The following BRF1 variants were observed in gnomAD, a reference collection of about 807,000 sequenced individuals.
BRF1 encodes the protein BRF1 general transcription factor IIIB subunit.
Under a neutral mutation model 81.7 loss-of-function variants are expected in BRF1, and 59 were observed. The ratio of observed to expected loss-of-function variants is 0.72; its 90% CI spans 0.59 to 0.90. BRF1 has a LOEUF of 0.90. Among genes scored for constraint, BRF1 ranks in the 40% least tolerant of loss-of-function variants. The pLI, the probability that BRF1 is intolerant of heterozygous loss-of-function variation, is 0.00. For missense variants in BRF1, 1,050 were observed against 936.3 expected, an observed-to-expected ratio of 1.12 and a Z score of -1.58; for synonymous variants, 491 against 395.6, an observed-to-expected ratio of 1.24 and a Z score of -2.86.
chr14:105,246,305 A>G (rs2140249006), intron 5 of BRF1, among the ~76,000 whole-genome samples: 1 of 152,250 alleles, frequency 6.6e-6, no homozygotes, highest in Non-Finnish European at 1.5e-5. Flanking sequence ...GATGGTCAAC[A>G]TCATTATTTA....
intron 5 of BRF1, among the ~76,000 whole-genome samples, chr14:105,245,901 G>A (rs1346001016): frequency 6.6e-6 from 1 of 152,164 alleles, no homozygotes; most frequent in African/African-American, 2.4e-5. Flanking sequence ...CAAGGGCAAC[G>A]AAAGTAAAAA....
intron 1 of BRF1, among the ~76,000 whole-genome samples, chr14:105,294,908 GA>G (rs1207799235): frequency 1.3e-5 from 2 of 152,132 alleles, no homozygotes; most frequent in Non-Finnish European, 2.9e-5. Context: ...AATATAACTA[GA>G]ACCTCAGTGA....
intron 10 of BRF1, among the ~76,000 whole-genome samples, chr14:105,225,416 T>C (rs1181324261): frequency 6.6e-6 from 1 of 152,196 alleles, no homozygotes; most frequent in African/African-American, 2.4e-5. Context: ...TATACCCGCT[T>C]ATACCCCCTC....
chr14:105,300,410 C>T (rs757532116), intron 1 of BRF1, 36 bp downstream of exon 1: 1 of 1,493,630 alleles, frequency 6.7e-7, no homozygotes, highest in African/African-American at 1.4e-5. Flanking sequence ...TAAGCCGCAC[C>T]GAGAAATCCG....
chr14:105,229,518 TG>T (rs2054376151), intron 6 of BRF1, among the ~76,000 whole-genome samples: 1 of 152,182 alleles, frequency 6.6e-6, no homozygotes, highest in African/African-American at 2.4e-5. Context: ...ATTCCGGAGC[TG>T]GGGTAGTTGA....
At chr14:105,246,854 G>A (rs1324255702) in intron 5 of BRF1, 1 of 985,476 alleles carries the variant, frequency 1.0e-6, no homozygotes, top group Non-Finnish European at 1.2e-6. Context: ...TGCAGATCAA[G>A]ACGCTGACTA....
intron 10 of BRF1, 36 bp from the exon 11 acceptor site, chr14:105,221,950 G>A: frequency 6.6e-7 from 1 of 1,524,488 alleles, no homozygotes; most frequent in Non-Finnish European, 8.8e-7. Flanking sequence ...ACCAGGCAGA[G>A]GGCCAGGGTG....
chr14:105,247,723 G>A lies in BRF1; in HGVS notation c.544+4784C>T, dbSNP rs117319993. 1,238 of 985,522 alleles carry A rather than the reference G, an allele frequency of 1.3e-3. 49 individuals are homozygous for A. In the East Asian group the frequency reaches 0.072, roughly 57 times the overall value. The allele number at this position is 985,522 out of a possible 1,614,324, so 61.0% of individuals were successfully genotyped here. On this transcript the variant is annotated intron_variant, in intron 5 of 17. Transcript: ENST00000547530. ...TAAAAGTCTAAAGCCTGGCGGTCCA[G>A]GAGGTTGCGTGTGTGTCCTCGGGGA...
chr14:105,210,700 A>G lies in BRF1; in HGVS notation c.1997-112T>C. 9.1e-7 allele frequency: 1 copy of G among 1,093,036 alleles called. No homozygotes were observed. The highest frequency in any genetic ancestry group is 3.3e-5 in the East Asian group (1 of 30,206). The allele number at this position is 1,093,036 out of a possible 1,614,324, so 67.7% of individuals were successfully genotyped here. A position where few individuals can be genotyped will look rare whatever the true frequency, so the allele number is the denominator to read the frequency against. The stretch of plus-strand genomic sequence containing the variant: ...CCTAGAAGACTCAGGCTCCAGCCCC[A>G]GCCCCAGCCCCCCGCGCCCCGCCAG... On this transcript the variant is annotated intron_variant, in intron 17 of 17. Coordinates refer to ENST00000547530, the MANE Select transcript of BRF1 (RefSeq NM_001519.4). This position sits in a 1 kb window ranked among gnomAD's most constrained non-coding sequence, Gnocchi z 4.7.
At position 105,226,720 on chromosome 14, in the gene BRF1, T is replaced by C. The variant is rs779694890; in HGVS notation, c.829A>G (p.Ile277Val). 1.3e-5 allele frequency: 21 copies of C among 1,613,638 alleles called. No individual in the cohort carries two copies. In the South Asian group the frequency reaches 2.0e-4, roughly 15 times the overall value. The change falls in exon 8 of 18, where the codon ATT becomes GTT. Residue 277 changes from isoleucine (I) to valine (V), a missense_variant. Coordinates refer to ENST00000547530, the MANE Select transcript of BRF1 (RefSeq NM_001519.4). ...AGGTCGATCTTCATGAACTCATCAATGGTCAACTGACTGGTGGGGGTGTCT... is the reference window on the plus strand; with the variant it reads ...AGGTCGATCTTCATGAACTCATCAACGGTCAACTGACTGGTGGGGGTGTCT... ...FEDTPTSQLT[I>V]DEFMKIDLEE...
intron 3 of BRF1, among the ~76,000 whole-genome samples, chr14:105,265,828 G>T (rs781761011): frequency 1.3e-5 from 2 of 149,610 alleles, no homozygotes; most frequent in East Asian, 3.9e-4. Flanking sequence ...GTGAACCCGC[G>T]AGGCAGAGCT....
At chr14:105,254,583 C>T (rs971901896) in intron 4 of BRF1, among the ~76,000 whole-genome samples, 7 of 147,060 alleles carry the variant, frequency 4.8e-5, no homozygotes, top group African/African-American at 1.8e-4. Context: ...TTTCTTGAGA[C>T]AGAGTTTCAC....
At chr14:105,314,931 G>T in intron 1 of BRF1, 1 of 1,101,176 alleles carries the variant, frequency 9.1e-7, no homozygotes, top group South Asian at 2.4e-5. Flanking sequence ...GGCCGAGCGA[G>T]GCCGCCTCGG....
intron 4 of BRF1, among the ~76,000 whole-genome samples, chr14:105,253,912 GCATGCAGTGTGCAGA>G (rs1339430426): frequency 1.3e-5 from 2 of 152,236 alleles, no homozygotes; most frequent in Admixed American, 1.3e-4. Flanking sequence ...GTGTGCATCC[GCATGCAGTGTGCAGA>G]CATGCATGTG....
intron 2 of BRF1, among the ~76,000 whole-genome samples, chr14:105,279,298 AACATGT>A (rs2056973457): frequency 6.6e-6 from 1 of 152,222 alleles, no homozygotes; most frequent in Non-Finnish European, 1.5e-5. Flanking sequence ...GAGGATTCGA[AACATGT>A]ATATCCAACA....
intron 1 of BRF1, among the ~76,000 whole-genome samples, chr14:105,307,558 CATCTT>C (rs751066823): frequency 6.6e-6 from 1 of 152,162 alleles, no homozygotes; most frequent in African/African-American, 2.4e-5. Flanking sequence ...CTGTGTCTGT[CATCTT>C]ATCACATTTG....
At chr14:105,313,962 C>T (rs930043355) in intron 1 of BRF1, among the ~76,000 whole-genome samples, 9 of 152,250 alleles carry the variant, frequency 5.9e-5, no homozygotes, top group African/African-American at 2.2e-4. Flanking sequence ...CAGGAGCCAG[C>T]CTTGGCCCCA....
intron 3 of BRF1, among the ~76,000 whole-genome samples, chr14:105,268,148 G>T (rs926976317): frequency 6.6e-6 from 1 of 152,372 alleles, no homozygotes; most frequent in Admixed American, 6.5e-5. Flanking sequence ...GGGCAGCCTG[G>T]CTGGACAGGA....
intron 1 of BRF1, among the ~76,000 whole-genome samples, chr14:105,298,861 A>AC (rs2057852265): frequency 6.7e-6 from 1 of 148,234 alleles, no homozygotes; most frequent in Non-Finnish European, 1.5e-5. Flanking sequence ...TCTCAAAAAA[A>AC]AAAAAAAAGT....
Sources: gnomAD v4.1 joint callset for allele counts (sites outside exome capture counted in the v4.1 genomes callset) on GRCh38, gnomAD v4.1.1 for gene constraint, Gnocchi (gnomAD v3.1) non-coding constraint, MANE v1.5 for transcripts, NCBI Gene and HGNC (gene_info 2026-07-23, HGNC 2026-07-21) for gene names.